Variants in HIRA observed in about 807,000 individuals in gnomAD.
The protein encoded by HIRA is histone cell cycle regulator, also known as protein HIRA.
A neutral mutation model predicts 126.6 loss-of-function variants in HIRA; 13 were observed. The ratio of observed to expected loss-of-function variants is 0.10; its 90% confidence interval spans 0.07 to 0.16. HIRA has a LOEUF of 0.16. HIRA is among the 10% of genes least tolerant of loss of function. HIRA has a pLI of 1.00. For synonymous variants in HIRA, 511 were observed against 520.0 expected (o/e 0.98, Z 0.24); for missense variants, 834 against 1,314.4 (o/e 0.63, Z 5.65).
chr22:19,408,705 A>C, intron 2 of HIRA, 112 bp from the exon 3 acceptor site: 1 of 641,670 alleles, frequency 1.6e-6, no homozygotes, highest in African/African-American at 1.8e-5. Flanking sequence ...ATAAACAATA[A>C]TTAACTAGAT....
At chr22:19,367,312 C>T (rs748735527) in intron 15 of HIRA, among the ~76,000 whole-genome samples, 3 of 152,014 alleles carry the variant, frequency 2.0e-5, no homozygotes, top group Non-Finnish European at 4.4e-5. Context: ...GCTCAAGTCC[C>T]GTATATAAAA....
At chr22:19,403,461 A>C (rs2089285591) in intron 5 of HIRA, among the ~76,000 whole-genome samples, 1 of 151,878 alleles carries the variant, frequency 6.6e-6, no homozygotes, top group Admixed American at 6.6e-5. Flanking sequence ...TACAAAAAAA[A>C]AGTGGCCGGG....
chr22:19,414,047 G>T (rs543859297), intron 1 of HIRA, among the ~76,000 whole-genome samples: 10 of 152,130 alleles, frequency 6.6e-5, no homozygotes, highest in Non-Finnish European at 1.0e-4. Context: ...TACCTCCAGT[G>T]TCTGGCCTTT....
intron 16 of HIRA, 63 bp from the exon 17 acceptor site, chr22:19,361,404 G>A: frequency 7.0e-7 from 1 of 1,422,458 alleles, no homozygotes; most frequent in Non-Finnish European, 9.9e-7. Context: ...TTTGGTAAAG[G>A]CAGGTCACCC....
chr22:19,418,599 G>A (rs2089418648), intron 1 of HIRA, among the ~76,000 whole-genome samples: 1 of 104,484 alleles, frequency 9.6e-6, no homozygotes, highest in Admixed American at 1.0e-4. Context: ...GCCTGTTCCA[G>A]CCTGGGCAAC....
At chr22:19,345,501 A>C (rs563302622) in intron 24 of HIRA, among the ~76,000 whole-genome samples, 4 of 152,318 alleles carry the variant, frequency 2.6e-5, no homozygotes, top group Non-Finnish European at 2.9e-5. Flanking sequence ...TTACAGCAGC[A>C]GTCCCCAACC....
chr22:19,385,495 T>G, intron 12 of HIRA, 26 bp downstream of exon 12: 1 of 1,606,094 alleles, frequency 6.2e-7, no homozygotes, highest in Non-Finnish European at 8.5e-7. Flanking sequence ...GTCCATGTCT[T>G]TAGCGCCACC....
Position 19,385,684 on chromosome 22 carries a change from G to A in HIRA, c.1166C>T (p.Ala389Val). The A allele has an allele frequency of 1.9e-6, 3 of 1,614,144 alleles. No homozygotes were observed. The highest frequency in any genetic ancestry group is 2.5e-6 in the Non-Finnish European group (3 of 1,180,016). Residue 389 changes from alanine to valine, a missense_variant, in exon 12 of 25, where the codon GCC (alanine) becomes GTC (valine). Physicochemically the swap from Ala to Val is moderately conservative, Grantham distance 64. Transcript: ENST00000263208. ...CTCAATGACGGCTGTGGAGAGCTGGGCCTCGGTCATGATGGCTAGGCTCTT... is the reference window on the plus strand; with the variant it reads ...CTCAATGACGGCTGTGGAGAGCTGGACCTCGGTCATGATGGCTAGGCTCTT... Reference protein sequence around the residue: ...YGKSLAIMTEAQLSTAVIENP... With the variant: ...YGKSLAIMTEVQLSTAVIENP...
intron 9 of HIRA, among the ~76,000 whole-genome samples, chr22:19,390,597 G>A (rs1431377896): frequency 2.3e-4 from 4 of 17,516 alleles, no homozygotes; most frequent in Admixed American, 2.1e-3. Context: ...GGGAGACTCT[G>A]TCTCAAAAAA....
chr22:19,356,156 G>T, intron 20 of HIRA, 74 bp downstream of exon 20: 1 of 1,385,858 alleles, frequency 7.2e-7, no homozygotes, highest in Non-Finnish European at 1.0e-6. Context: ...GGCTCTCTGA[G>T]CGGGGCCCTT....
At chr22:19,339,192 TC>T (rs1323897390) in intron 24 of HIRA, among the ~76,000 whole-genome samples, 2 of 152,146 alleles carry the variant, frequency 1.3e-5, no homozygotes, top group African/African-American at 4.8e-5. Flanking sequence ...AAAAATATGC[TC>T]CTGAATGATC....
chr22:19,395,771 T>C (rs1041101017), intron 7 of HIRA, among the ~76,000 whole-genome samples: 14 of 152,328 alleles, frequency 9.2e-5, no homozygotes, highest in Non-Finnish European at 1.8e-4. Context: ...GTCTTTCCTA[T>C]GGGGCTTTAA....
At position 19,385,633 on chromosome 22, in the gene HIRA, C is replaced by T. The variant is rs772784239; in HGVS notation, c.1217G>A (p.Arg406Gln). ...IENPEMLKYQ[R>Q]RQQQQQLDQK... is the part of the protein sequence containing the mutation. ...GTCCAGCTGCTGCTGCTGCTGCCTT[C>T]GCTGGTACTTGAGCATCTCAGGGTT... Residue 406 changes from arginine to glutamine, a missense_variant, in exon 12 of 25, where the codon CGA becomes CAA. Coordinates refer to ENST00000263208, the MANE Select transcript of HIRA (RefSeq NM_003325.4). 13 of 1,614,082 alleles carry T rather than the reference C, an allele frequency of 8.1e-6. No homozygotes were observed. The highest frequency in any genetic ancestry group is 4.4e-5 in the South Asian group (4 of 91,092).
intron 6 of HIRA, 138 bp downstream of exon 6, chr22:19,397,848 CAAAGAA>C (rs561187325): frequency 7.1e-5 from 42 of 592,146 alleles, no homozygotes; most frequent in Non-Finnish European, 1.2e-4. Flanking sequence ...ATGTAACTGA[CAAAGAA>C]AAACTGACAA....
At chr22:19,366,270 G>A (rs902471392) in intron 15 of HIRA, among the ~76,000 whole-genome samples, 15 of 152,080 alleles carry the variant, frequency 9.9e-5, no homozygotes, top group African/African-American at 3.4e-4. Context: ...GCTGAGGCAG[G>A]AGAATGGCGT....
intron 1 of HIRA, chr22:19,429,983 C>T (rs2089518537): frequency 6.6e-6 from 1 of 152,206 alleles, no homozygotes; most frequent in South Asian, 2.1e-4. Context: ...TCAGGAAATG[C>T]TCTTGGAGAT....
At chr22:19,365,303 A>C (rs1370461362) in intron 15 of HIRA, among the ~76,000 whole-genome samples, 1 of 152,228 alleles carries the variant, frequency 6.6e-6, no homozygotes, top group African/African-American at 2.4e-5. Context: ...AGTGTAGGTA[A>C]AACAGCCTTC....
intron 21 of HIRA, among the ~76,000 whole-genome samples, 180 bp downstream of exon 21, chr22:19,355,580 G>C (rs1556012192): frequency 1.3e-5 from 2 of 152,306 alleles, no homozygotes; most frequent in Admixed American, 6.5e-5. Flanking sequence ...GAGGCCATAG[G>C]CTGCAGTGTC....
At position 19,351,203 on chromosome 22, in the gene HIRA, C is replaced by T. The variant is rs1294475376; in HGVS notation, c.2937+155G>A. The stretch of plus-strand genomic sequence containing the variant: ...CTCCTGCCAGGTTGTGGAGGGCCGT[C>T]GGCATGTCACCCTCTCACTGATGCT... On this transcript the variant is annotated intron_variant, in intron 24 of 24. Transcript: ENST00000263208. The surrounding 1 kb of genome is among the most constrained non-coding windows in gnomAD (Gnocchi z 4.8). The T allele has an allele frequency of 1.2e-5, 12 of 985,260 alleles. No homozygotes were observed. The highest frequency in any genetic ancestry group is 1.7e-5 in the African/African-American group (1 of 57,236). 61.0% of individuals were successfully genotyped at this position (985,260 alleles called of 1,614,324 possible).
Sources: allele counts gnomAD v4.1 joint callset (sites outside exome capture counted in the v4.1 genomes callset), GRCh38; gene constraint gnomAD v4.1.1; non-coding constraint Gnocchi (gnomAD v3.1); transcripts MANE v1.5; gene names NCBI Gene and HGNC (gene_info 2026-07-23, HGNC 2026-07-21).